The following R3HCC1L variants were observed in gnomAD, a reference collection of about 807,000 sequenced individuals.
The protein encoded by R3HCC1L is R3H domain and coiled-coil containing 1 like.
In R3HCC1L, 51 loss-of-function variants were observed where a neutral mutation model predicts 59.9. The observed-to-expected ratio is 0.85, with a 90% CI of 0.68 to 1.07. R3HCC1L has a LOEUF of 1.07. Ranked by LOEUF, R3HCC1L falls within the 50% of genes least tolerant of loss-of-function variation. R3HCC1L has a pLI of 0.00. For synonymous variants in R3HCC1L, 322 were observed against 315.2 expected, an observed-to-expected ratio of 1.02 and a Z score of -0.23; for missense variants, 965 against 933.0, an observed-to-expected ratio of 1.03 and a Z score of -0.45.
chr10:98,232,198 C>T (rs940946215), intron 6 of R3HCC1L, among the ~76,000 whole-genome samples: 1 of 152,046 alleles, frequency 6.6e-6, no homozygotes, highest in African/African-American at 2.4e-5. Context: ...CCATGTTGCC[C>T]AGGTTAGTCT....
chr10:98,202,224 A>T (rs1310567822), intron 4 of R3HCC1L, among the ~76,000 whole-genome samples: 1 of 152,170 alleles, frequency 6.6e-6, no homozygotes, highest in Non-Finnish European at 1.5e-5. Flanking sequence ...CACAGTAAAG[A>T]TGGAATCAGA....
At chr10:98,142,179 A>G (rs1640740838) in intron 1 of R3HCC1L, among the ~76,000 whole-genome samples, 2 of 152,148 alleles carry the variant, frequency 1.3e-5, no homozygotes, top group African/African-American at 2.4e-5. Flanking sequence ...AAGTTGGTCA[A>G]TTTCTATACT....
intron 5 of R3HCC1L, among the ~76,000 whole-genome samples, chr10:98,217,264 T>G (rs1854314079): frequency 6.6e-6 from 1 of 152,190 alleles, no homozygotes; most frequent in African/African-American, 2.4e-5. Context: ...TCAGCACCAT[T>G]TATTGAAGAG....
At chr10:98,168,751 G>A (rs1428490024) in intron 4 of R3HCC1L, among the ~76,000 whole-genome samples, 1 of 152,152 alleles carries the variant, frequency 6.6e-6, no homozygotes, top group East Asian at 1.9e-4. Context: ...TGATGTACAG[G>A]TTTCTTCTGT....
chr10:98,176,582 A>G (rs1849043413), intron 4 of R3HCC1L, among the ~76,000 whole-genome samples: 1 of 152,110 alleles, frequency 6.6e-6, no homozygotes, highest in Admixed American at 6.6e-5. Flanking sequence ...TGCTAAACTT[A>G]CTTAGTTCTG....
intron 5 of R3HCC1L, among the ~76,000 whole-genome samples, chr10:98,211,536 C>T (rs180895364): frequency 3.3e-5 from 5 of 152,138 alleles, no homozygotes; most frequent in East Asian, 3.9e-4. Flanking sequence ...AGGCTTTAGT[C>T]TGAGAAAAGA....
At chr10:98,186,815 T>C (rs1168252617) in intron 4 of R3HCC1L, among the ~76,000 whole-genome samples, 5 of 152,160 alleles carry the variant, frequency 3.3e-5, no homozygotes, top group Non-Finnish European at 7.4e-5. Flanking sequence ...ATTATTACAA[T>C]GTTAGAGTTA....
chr10:98,189,017 A>T (rs1290101395), intron 4 of R3HCC1L, among the ~76,000 whole-genome samples: 1 of 152,212 alleles, frequency 6.6e-6, no homozygotes, highest in Non-Finnish European at 1.5e-5. Context: ...ATAAGATCTG[A>T]TAAGTGGCCA....
chr10:98,228,575 A>C (rs961388133), intron 5 of R3HCC1L, among the ~76,000 whole-genome samples: 11 of 151,898 alleles, frequency 7.2e-5, no homozygotes, highest in Non-Finnish European at 1.5e-4. Context: ...TGTGCAGAAG[A>C]TCTTTAGTTT....
rs759554031 is a variant in R3HCC1L, at chr10:98,209,520, G to A, written c.1406G>A (p.Cys469Tyr). The change falls in exon 5 of 10, where the codon TGT (cysteine) becomes TAT (tyrosine). Residue 469 changes from cysteine (C) to tyrosine (Y), a missense_variant. Physicochemically the swap from Cys to Tyr is radical, Grantham distance 194. Coordinates refer to ENST00000298999, the MANE Select transcript of R3HCC1L (RefSeq NM_001351015.2). ...AAGTTGATAGAGAGCTTGTCAGATT[G>A]TGCTTCCTCCTTACCTATAAAAAAG... ...TGKLIESLSD[C>Y]ASSLPIKKIA... The A allele has an allele frequency of 5.0e-6, 8 of 1,613,788 alleles. No homozygotes were observed. Among genetic ancestry groups the A allele is most frequent in the East Asian group, 2.2e-5 (1 of 44,856 alleles).
intron 2 of R3HCC1L, among the ~76,000 whole-genome samples, chr10:98,157,267 G>C (rs2134115720): frequency 6.6e-6 from 1 of 152,290 alleles, no homozygotes; most frequent in African/African-American, 2.4e-5. Context: ...CTGGGTGCTT[G>C]TGGGTACCTT....
At chr10:98,226,909 G>A (rs1855733546) in intron 5 of R3HCC1L, among the ~76,000 whole-genome samples, 1 of 152,218 alleles carries the variant, frequency 6.6e-6, no homozygotes, top group Non-Finnish European at 1.5e-5. Flanking sequence ...CTCTTTGGGA[G>A]AGACTTGTCA....
At chr10:98,237,699 T>A (rs1187898734) in intron 9 of R3HCC1L, among the ~76,000 whole-genome samples, 1 of 152,214 alleles carries the variant, frequency 6.6e-6, no homozygotes, top group Non-Finnish European at 1.5e-5. Flanking sequence ...GTGCTGAGGC[T>A]GTATGGATTA....
intron 4 of R3HCC1L, among the ~76,000 whole-genome samples, chr10:98,166,126 A>T (rs1847920745): frequency 6.6e-6 from 1 of 152,132 alleles, no homozygotes; most frequent in South Asian, 2.1e-4. Context: ...CTAGGACTGT[A>T]CCATTGCACT....
chr10:98,232,526 A>G (rs1856512620), intron 6 of R3HCC1L, among the ~76,000 whole-genome samples: 1 of 152,216 alleles, frequency 6.6e-6, no homozygotes, highest in African/African-American at 2.4e-5. Flanking sequence ...AATAAGCTTC[A>G]GGAATAAAGA....
chr10:98,165,335 T>C (rs779087732), intron 4 of R3HCC1L, among the ~76,000 whole-genome samples: 11 of 152,184 alleles, frequency 7.2e-5, no homozygotes, highest in South Asian at 2.1e-4. Flanking sequence ...TGGATGGAAT[T>C]AAAACTTTTG....
chr10:98,158,677 A>G (rs1847115169), intron 2 of R3HCC1L, among the ~76,000 whole-genome samples: 5 of 152,244 alleles, frequency 3.3e-5, no homozygotes, highest in Admixed American at 3.3e-4. Flanking sequence ...AGTAACCTAC[A>G]GACATTCAGA....
chr10:98,244,203 T>G lies in R3HCC1L; in HGVS notation c.*45T>G. ...ATAATTCCATGAATCAGAAAATGTT[T>G]CCATAGCCTTCAGATAAGATGATCC... On this transcript the variant is annotated 3_prime_UTR_variant, in exon 10 of 10. Coordinates refer to ENST00000298999, the MANE Select transcript of R3HCC1L (RefSeq NM_001351015.2). The G allele has an allele frequency of 6.4e-7, 1 of 1,557,246 alleles. No individual in the cohort carries two copies. Among genetic ancestry groups the G allele is most frequent in the South Asian group, 1.1e-5 (1 of 89,738 alleles).
intron 5 of R3HCC1L, among the ~76,000 whole-genome samples, chr10:98,217,855 T>C (rs1371273362): frequency 1.3e-5 from 2 of 152,188 alleles, no homozygotes; most frequent in South Asian, 2.1e-4. Context: ...TGCTGAGTTA[T>C]ATTGGCTGAC....
Sources: allele counts gnomAD v4.1 joint callset (sites outside exome capture counted in the v4.1 genomes callset), GRCh38; gene constraint gnomAD v4.1.1; transcripts MANE v1.5; gene names NCBI Gene and HGNC (gene_info 2026-07-23, HGNC 2026-07-21).